Variants in LRRC4C observed in about 807,000 individuals in gnomAD.
LRRC4C encodes leucine-rich repeat-containing protein 4C.
A neutral mutation model predicts 33.6 loss-of-function variants in LRRC4C; 5 were observed. The observed-to-expected ratio is 0.15, with a 90% confidence interval of 0.08 to 0.31. The LOEUF is 0.31. Among genes scored for constraint, LRRC4C ranks in the 10% least tolerant of loss-of-function variants. The probability of loss-of-function intolerance (pLI) is 1.00; values close to 1 mark genes in which losing one functional copy is unlikely to be tolerated. For missense variants in LRRC4C, 560 were observed against 796.7 expected (o/e 0.70, Z 3.58); for synonymous variants, 329 against 302.0 (o/e 1.09, Z -0.93).
At chr11:41,059,634 G>A (rs986834084) in intron 1 of LRRC4C, among the ~76,000 whole-genome samples, 2 of 151,876 alleles carry the variant, frequency 1.3e-5, no homozygotes, top group African/African-American at 4.8e-5. Context: ...CCTTATGTAG[G>A]TTGTGCCTGT....
chr11:40,596,216 C>T lies in LRRC4C; in HGVS notation c.-270+51926G>A, dbSNP rs374985313. Among the ~76,000 whole-genome samples the T allele has an allele frequency of 4.6e-5, 7 of 152,262 alleles. No homozygotes were observed. The East Asian group carries it at 7.7e-4, about 17-fold the overall frequency. On this transcript the variant is annotated intron_variant, in intron 3 of 6. Transcript: ENST00000528697. Reference sequence around the variant, plus strand: ...GCTAGGAGGTGGCTCTAGAAATGTGCAAATTCAGCTTACCTACTATTCCAG... The same window carrying T: ...GCTAGGAGGTGGCTCTAGAAATGTGTAAATTCAGCTTACCTACTATTCCAG...
intron 1 of LRRC4C, among the ~76,000 whole-genome samples, chr11:41,039,924 A>G (rs896891262): frequency 1.3e-5 from 2 of 151,826 alleles, no homozygotes; most frequent in African/African-American, 4.8e-5. Flanking sequence ...GGCGGATCAC[A>G]AGGTCAGGAG....
intron 2 of LRRC4C, among the ~76,000 whole-genome samples, chr11:40,849,513 G>A (rs1196007936): frequency 6.6e-6 from 1 of 152,188 alleles, no homozygotes; most frequent in African/African-American, 2.4e-5. Context: ...GAGATCCCCT[G>A]TTAGTCTGAT....
chr11:40,504,735 T>C (rs2138659993), intron 3 of LRRC4C, among the ~76,000 whole-genome samples: 1 of 152,304 alleles, frequency 6.6e-6, no homozygotes, highest in Non-Finnish European at 1.5e-5. Flanking sequence ...ACTATTTTAC[T>C]GTCTAGAATG....
At chr11:41,092,628 C>T (rs1022245283) in intron 1 of LRRC4C, among the ~76,000 whole-genome samples, 5 of 152,192 alleles carry the variant, frequency 3.3e-5, no homozygotes, top group African/African-American at 1.2e-4. Context: ...AATGATGCTG[C>T]CTCTAATCCA....
chr11:40,810,185 A>G (rs1951427501), intron 2 of LRRC4C, among the ~76,000 whole-genome samples: 1 of 152,182 alleles, frequency 6.6e-6, no homozygotes, highest in African/African-American at 2.4e-5. Flanking sequence ...GGATAAATCC[A>G]ATGTTTCTAT....
chr11:41,233,454 C>T (rs1947887585), intron 1 of LRRC4C, among the ~76,000 whole-genome samples: 1 of 151,908 alleles, frequency 6.6e-6, no homozygotes, highest in East Asian at 1.9e-4. Flanking sequence ...TGAAAAGCTA[C>T]ATAGTCTATG....
intron 1 of LRRC4C, among the ~76,000 whole-genome samples, chr11:40,982,669 C>G: frequency 6.6e-6 from 1 of 151,536 alleles, no homozygotes. Flanking sequence ...TTTTTTTAAA[C>G]CTTCATTATA....
intron 2 of LRRC4C, among the ~76,000 whole-genome samples, chr11:40,912,886 G>C (rs1470707494): frequency 1.3e-5 from 2 of 152,052 alleles, no homozygotes; most frequent in African/African-American, 4.8e-5. Context: ...AAAAAGGCAG[G>C]GGTTGCAATC....
intron 2 of LRRC4C, among the ~76,000 whole-genome samples, chr11:40,777,077 C>T (rs7940003): frequency 0.78 from 118,290 of 152,096 alleles, 46,151 homozygotes; most frequent in Middle Eastern, 0.86. Flanking sequence ...AGTTCCACTA[C>T]GGTCTGAGAG....
At chr11:40,606,172 C>G (rs1249920381) in intron 3 of LRRC4C, among the ~76,000 whole-genome samples, 2 of 152,096 alleles carry the variant, frequency 1.3e-5, no homozygotes, top group Non-Finnish European at 2.9e-5. Flanking sequence ...CCTTGAAGCA[C>G]TAATGAAGCT....
chr11:41,114,341 T>C (rs946274410), intron 1 of LRRC4C, among the ~76,000 whole-genome samples: 1 of 152,030 alleles, frequency 6.6e-6, no homozygotes, highest in Non-Finnish European at 1.5e-5. Context: ...CAAACAAGAA[T>C]TCCCTGGAAA....
At chr11:41,232,345 G>A (rs956975705) in intron 1 of LRRC4C, among the ~76,000 whole-genome samples, 1 of 152,030 alleles carries the variant, frequency 6.6e-6, no homozygotes, top group South Asian at 2.1e-4. Flanking sequence ...GAGCTGTACT[G>A]TGTATTACTG....
intron 1 of LRRC4C, among the ~76,000 whole-genome samples, chr11:41,219,023 G>C (rs1212970352): frequency 1.3e-5 from 2 of 151,698 alleles, no homozygotes; most frequent in Non-Finnish European, 2.9e-5. Context: ...CGCCCACCTC[G>C]GCCTCCCAAA....
At chr11:40,238,006 T>C (rs970843220) in intron 5 of LRRC4C, among the ~76,000 whole-genome samples, 2 of 152,190 alleles carry the variant, frequency 1.3e-5, no homozygotes, top group African/African-American at 4.8e-5. Context: ...TTTGAATTAA[T>C]TCGGATATAT....
chr11:41,264,652 T>A (rs1362681832), intron 1 of LRRC4C, among the ~76,000 whole-genome samples: 2 of 152,118 alleles, frequency 1.3e-5, no homozygotes, highest in Non-Finnish European at 2.9e-5. Flanking sequence ...AATGTAGATA[T>A]AAGAAACAAG....
intron 1 of LRRC4C, among the ~76,000 whole-genome samples, chr11:41,231,331 G>A (rs1591007585): frequency 6.6e-6 from 1 of 151,946 alleles, no homozygotes; most frequent in East Asian, 1.9e-4. Flanking sequence ...GTTTATTGAG[G>A]CACTATTCAC....
intron 3 of LRRC4C, among the ~76,000 whole-genome samples, chr11:40,482,351 T>G (rs746987838): frequency 6.6e-6 from 1 of 152,132 alleles, no homozygotes; most frequent in Non-Finnish European, 1.5e-5. Flanking sequence ...TCCTTTAAAA[T>G]AAAGTCCTAT....
chr11:40,114,273 CTT>C lies in LRRC4C; in HGVS notation c.*95_*96del. 7.7e-7 allele frequency: 1 copy of C among 1,305,516 alleles called. No individual in the cohort carries two copies. Among genetic ancestry groups the C allele is most frequent in the Non-Finnish European group, 1.0e-6 (1 of 983,478 alleles). 80.9% of individuals were successfully genotyped at this position (1,305,516 alleles called of 1,614,324 possible). On this transcript the variant is annotated 3_prime_UTR_variant, in exon 7 of 7. Coordinates refer to ENST00000528697, the MANE Select transcript of LRRC4C (RefSeq NM_001258419.2). ...TCTTTTTTGTTTTTTTGTAAAGACA[CTT>C]TTTTGAAACAGTAGATTTAGCCCAG... is the stretch of plus-strand genomic sequence containing the variant.
Sources: gnomAD v4.1 joint callset for allele counts (sites outside exome capture counted in the v4.1 genomes callset) on GRCh38, gnomAD v4.1.1 for gene constraint, MANE v1.5 for transcripts, NCBI Gene and HGNC (gene_info 2026-07-23, HGNC 2026-07-21) for gene names.